EIF2B3: variants seen among roughly 807,000 people sequenced by gnomAD.
EIF2B3 encodes the protein eukaryotic translation initiation factor 2B subunit gamma, also known as translation initiation factor eIF2B subunit gamma.
Under a neutral mutation model 54.1 loss-of-function variants are expected in EIF2B3, and 20 were observed. That is an observed-to-expected ratio of 0.37 (90% CI 0.26 to 0.54). The LOEUF (loss-of-function observed/expected upper bound fraction) is 0.54, where lower values mean the gene tolerates loss of function less well. EIF2B3 is among the 20% of genes least tolerant of loss of function. The probability of loss-of-function intolerance (pLI) is 0.86; values close to 1 mark genes in which losing one functional copy is unlikely to be tolerated. For synonymous variants in EIF2B3, 153 were observed against 188.1 expected, an observed-to-expected ratio of 0.81 and a Z score of 1.52; for missense variants, 448 against 547.8, an observed-to-expected ratio of 0.82 and a Z score of 1.82.
At chr1:44,863,196 G>A (rs1654667856) in intron 10 of EIF2B3, 1 of 152,132 alleles carries the variant, frequency 6.6e-6, no homozygotes, top group African/African-American at 2.4e-5. Context: ...CTGAAGATAT[G>A]TGTAGCTTTT....
chr1:44,972,537 G>A (rs1644411819), intron 3 of EIF2B3: 1 of 151,916 alleles, frequency 6.6e-6, no homozygotes, highest in Non-Finnish European at 1.5e-5. Flanking sequence ...GGGAGGCAGA[G>A]GTTGCGGTGA....
chr1:44,970,583 G>T (rs544371597), intron 3 of EIF2B3, among the ~76,000 whole-genome samples: 1 of 152,322 alleles, frequency 6.6e-6, no homozygotes, highest in South Asian at 2.1e-4. Context: ...ACTGTGTCAT[G>T]CATGGCACAG....
At chr1:44,937,800 C>T (rs1313365644) in intron 4 of EIF2B3, among the ~76,000 whole-genome samples, 2 of 143,688 alleles carry the variant, frequency 1.4e-5, no homozygotes, top group African/African-American at 2.6e-5. Context: ...AGGAGAATGC[C>T]GTGAACCCGG....
intron 4 of EIF2B3, chr1:44,932,341 C>T (rs781753039): frequency 5.9e-5 from 9 of 152,308 alleles, no homozygotes; most frequent in Non-Finnish European, 1.3e-4. Context: ...CCATATCACC[C>T]TGAAGGCATC....
chr1:44,961,415 C>A (rs1644283962), intron 3 of EIF2B3, among the ~76,000 whole-genome samples: 1 of 151,614 alleles, frequency 6.6e-6, no homozygotes, highest in Admixed American at 6.6e-5. Flanking sequence ...TGGCTCATCA[C>A]ACCTGTAATC....
intron 11 of EIF2B3, among the ~76,000 whole-genome samples, chr1:44,854,225 A>ACT (rs1192924542): frequency 6.6e-6 from 1 of 151,776 alleles, no homozygotes; most frequent in Non-Finnish European, 1.5e-5. Context: ...CTGGTCTCGA[A>ACT]CTCTTGACCT....
intron 4 of EIF2B3, among the ~76,000 whole-genome samples, chr1:44,941,101 G>A (rs1644016181): frequency 6.6e-6 from 1 of 152,104 alleles, no homozygotes; most frequent in African/African-American, 2.4e-5. Flanking sequence ...TGGCCAGGCT[G>A]GTCTCAAACT....
At chr1:44,947,389 C>G (rs886436165) in intron 3 of EIF2B3, among the ~76,000 whole-genome samples, 2 of 152,160 alleles carry the variant, frequency 1.3e-5, no homozygotes, top group African/African-American at 4.8e-5. Flanking sequence ...CAAGCCATGG[C>G]AAAGCCCAGA....
chr1:44,921,528 G>A (rs1026203092), intron 5 of EIF2B3, among the ~76,000 whole-genome samples: 1 of 152,220 alleles, frequency 6.6e-6, no homozygotes, highest in African/African-American at 2.4e-5. Flanking sequence ...TGAGGTCTTA[G>A]ATTTAGGTCT....
chr1:44,868,397 CAAAAAAAA>C (rs34094245), intron 10 of EIF2B3, among the ~76,000 whole-genome samples: 1 of 65,436 alleles, frequency 1.5e-5, no homozygotes, highest in African/African-American at 5.5e-5. Flanking sequence ...GACTCCGTCT[CAAAAAAAA>C]AAAAAAAAAA....
chr1:44,978,168 T>C, intron 3 of EIF2B3, 147 bp downstream of exon 3: 1 of 845,068 alleles, frequency 1.2e-6, no homozygotes, highest in South Asian at 1.5e-5. Context: ...GAGGTGGAGG[T>C]TGCAGTGAAT....
intron 3 of EIF2B3, among the ~76,000 whole-genome samples, chr1:44,953,264 G>GAA (rs140124660): frequency 3.5e-5 from 5 of 144,056 alleles, no homozygotes; most frequent in Non-Finnish European, 3.0e-5. Context: ...TGAAAAAAAA[G>GAA]AAAAAAAAAA....
In EIF2B3 at chr1:44,859,659, C is replaced by CA. The variant is rs202223818; in HGVS notation, c.1203-1853dup. On this transcript the variant is annotated intron_variant, in intron 10 of 11. Transcript: ENST00000360403. ...GGCGACAAGAGCAAAACTCTATCTCCAAAAAAAAAGAAAAGAAAAGAAAAA... is the reference window on the plus strand; with the variant it reads ...GGCGACAAGAGCAAAACTCTATCTCCAAAAAAAAAAGAAAAGAAAAGAAAAA... Among the ~76,000 whole-genome samples the CA allele has an allele frequency of 3.4e-3, 510 of 149,042 alleles. 3 individuals are homozygous for CA. The South Asian group carries it at 0.044, about 13-fold the overall frequency.
intron 3 of EIF2B3, among the ~76,000 whole-genome samples, chr1:44,955,182 G>C (rs999363401): frequency 6.6e-6 from 1 of 152,036 alleles, no homozygotes; most frequent in Admixed American, 6.6e-5. Context: ...ATATAGACCA[G>C]TGGAACAGAG....
At chr1:44,910,620 C>A (rs57180038) in intron 5 of EIF2B3, among the ~76,000 whole-genome samples, 90 of 148,034 alleles carry the variant, frequency 6.1e-4, no homozygotes, top group East Asian at 2.4e-3. Flanking sequence ...TCCCCACCCC[C>A]CCAAGTAATG....
At chr1:44,876,525 G>A (rs1375611851) in intron 8 of EIF2B3, among the ~76,000 whole-genome samples, 7 of 87,650 alleles carry the variant, frequency 8.0e-5, no homozygotes, top group Non-Finnish European at 1.1e-4. Context: ...CCCCGTCTGG[G>A]AAGTGAGGAG....
At chr1:44,929,077 A>C (rs1406746897) in intron 4 of EIF2B3, among the ~76,000 whole-genome samples, 1 of 152,252 alleles carries the variant, frequency 6.6e-6, no homozygotes, top group East Asian at 1.9e-4. Flanking sequence ...ATTTGTAAAG[A>C]ATTTATAATA....
intron 6 of EIF2B3, among the ~76,000 whole-genome samples, chr1:44,891,524 C>T (rs1421768657): frequency 6.6e-6 from 1 of 152,210 alleles, no homozygotes; most frequent in Non-Finnish European, 1.5e-5. Flanking sequence ...GTACAAATCT[C>T]ATCCCATCTC....
At chr1:44,956,594 A>G (rs1377530400) in intron 3 of EIF2B3, among the ~76,000 whole-genome samples, 8 of 152,220 alleles carry the variant, frequency 5.3e-5, no homozygotes, top group Non-Finnish European at 1.2e-4. Flanking sequence ...TAGAAAATTT[A>G]AAAATATGAT....
Sources: allele counts gnomAD v4.1 joint callset (sites outside exome capture counted in the v4.1 genomes callset), GRCh38; gene constraint gnomAD v4.1.1; transcripts MANE v1.5; gene names NCBI Gene and HGNC (gene_info 2026-07-23, HGNC 2026-07-21).